Variants in GRID1 observed in about 807,000 individuals in gnomAD.
GRID1 encodes the protein glutamate receptor ionotropic, delta-1.
In GRID1, 28 loss-of-function variants were observed where a neutral mutation model predicts 98.0. The ratio of observed to expected loss-of-function variants is 0.29; its 90% CI spans 0.21 to 0.39. The LOEUF (loss-of-function observed/expected upper bound fraction) is 0.39. Among genes scored for constraint, GRID1 ranks in the 10% least tolerant of loss-of-function variants. GRID1 has a pLI of 1.00. For missense variants in GRID1, 1,111 were observed against 1,340.5 expected (o/e 0.83, Z 2.67); for synonymous variants, 553 against 538.5 (o/e 1.03, Z -0.37).
At chr10:85,997,366 T>TAC (rs1842751359) in intron 4 of GRID1, among the ~76,000 whole-genome samples, 1 of 150,558 alleles carries the variant, frequency 6.6e-6, no homozygotes. Flanking sequence ...GCCACTGTAC[T>TAC]ACAGCCTGGG....
At chr10:85,831,956 T>C (rs1842870905) in intron 8 of GRID1, among the ~76,000 whole-genome samples, 1 of 151,758 alleles carries the variant, frequency 6.6e-6, no homozygotes, top group Admixed American at 6.6e-5. Context: ...AGAACAAAGA[T>C]TAATAAAAAT....
intron 4 of GRID1, among the ~76,000 whole-genome samples, chr10:85,960,276 A>G (rs1364486252): frequency 6.6e-6 from 1 of 152,242 alleles, no homozygotes; most frequent in Non-Finnish European, 1.5e-5. Flanking sequence ...AGAAACAGAC[A>G]AACTGTCCTC....
At chr10:86,104,207 G>A (rs1844344668) in intron 4 of GRID1, among the ~76,000 whole-genome samples, 1 of 152,110 alleles carries the variant, frequency 6.6e-6, no homozygotes, top group Admixed American at 6.5e-5. Context: ...AGGTAGAAGG[G>A]GCTAGTTCCT....
rs564425282 is a variant in GRID1 at position 85,851,400 on chromosome 10, C to A, written c.1233+3096G>T. 5.3e-5 allele frequency among the ~76,000 whole-genome samples: 8 copies of A among 152,282 alleles called. No individual in the cohort carries two copies. The South Asian group carries it at 1.2e-3, about 24-fold the overall frequency. ...TTGATTTTTCCATACAAAGCTCACT[C>A]ACTAAAAACGCACTTCCTGGATGAG... On this transcript the variant is annotated intron_variant, in intron 8 of 15. Coordinates refer to ENST00000327946, the MANE Select transcript of GRID1 (RefSeq NM_017551.3).
chr10:85,993,618 C>G (rs764602444), intron 4 of GRID1, among the ~76,000 whole-genome samples: 1 of 152,056 alleles, frequency 6.6e-6, no homozygotes, highest in Non-Finnish European at 1.5e-5. Flanking sequence ...AAACTAGGTA[C>G]CCCAGCCAGG....
At chr10:86,163,714 A>T (rs1845356408) in intron 3 of GRID1, among the ~76,000 whole-genome samples, 1 of 151,876 alleles carries the variant, frequency 6.6e-6, no homozygotes, top group Non-Finnish European at 1.5e-5. Flanking sequence ...ACAAGCAGGG[A>T]CTCTGTGTGG....
At chr10:86,171,372 G>C (rs2131993436) in intron 3 of GRID1, among the ~76,000 whole-genome samples, 1 of 152,318 alleles carries the variant, frequency 6.6e-6, no homozygotes, top group East Asian at 1.9e-4. Context: ...AACCCCACCA[G>C]TTCTGTGGGT....
intron 4 of GRID1, among the ~76,000 whole-genome samples, chr10:86,074,864 G>A (rs1184944407): frequency 6.6e-6 from 1 of 152,226 alleles, no homozygotes; most frequent in African/African-American, 2.4e-5. Context: ...TGGGATGAGT[G>A]TCGATGTATG....
At chr10:86,216,912 C>A (rs548679614) in intron 2 of GRID1, among the ~76,000 whole-genome samples, 7 of 152,148 alleles carry the variant, frequency 4.6e-5, no homozygotes, top group African/African-American at 1.7e-4. Flanking sequence ...AGAAAAGGAT[C>A]CCTAGGGTAA....
chr10:85,805,808 C>A (rs1170136445), intron 8 of GRID1, among the ~76,000 whole-genome samples: 1 of 151,834 alleles, frequency 6.6e-6, no homozygotes, highest in Non-Finnish European at 1.5e-5. Context: ...ACCTCCCTCA[C>A]AACACATACA....
At chr10:86,258,569 G>GC (rs1187201076) in intron 2 of GRID1, among the ~76,000 whole-genome samples, 6 of 152,112 alleles carry the variant, frequency 3.9e-5, no homozygotes, top group African/African-American at 1.2e-4. Flanking sequence ...TGAGGGAGAA[G>GC]CCCCCATCTC....
chr10:86,312,336 C>T (rs1042736035), intron 2 of GRID1, among the ~76,000 whole-genome samples: 3 of 152,180 alleles, frequency 2.0e-5, no homozygotes, highest in South Asian at 2.1e-4. Context: ...CTAAACACAC[C>T]GTCCCTTTCT....
At chr10:85,855,769 G>A (rs372327685) in intron 7 of GRID1, among the ~76,000 whole-genome samples, 1 of 152,310 alleles carries the variant, frequency 6.6e-6, no homozygotes, top group African/African-American at 2.4e-5. Flanking sequence ...CCTACTTGCA[G>A]CCAAGGGCAA....
At chr10:85,965,912 A>T (rs1230288054) in intron 4 of GRID1, among the ~76,000 whole-genome samples, 1 of 152,120 alleles carries the variant, frequency 6.6e-6, no homozygotes, top group Non-Finnish European at 1.5e-5. Flanking sequence ...CTTTAACTAG[A>T]TCTACTCCCA....
intron 13 of GRID1, among the ~76,000 whole-genome samples, chr10:85,628,850 G>GGGAGTGGACAAT (rs1842941112): frequency 6.6e-6 from 1 of 152,174 alleles, no homozygotes; most frequent in African/African-American, 2.4e-5. Flanking sequence ...TGAATAGAAT[G>GGGAGTGGACAAT]GGAGTGGACA....
At chr10:86,111,700 G>A (rs1448766588) in intron 4 of GRID1, among the ~76,000 whole-genome samples, 1 of 152,162 alleles carries the variant, frequency 6.6e-6, no homozygotes. Context: ...CATGAAAGAG[G>A]ATGAGGATCT....
chr10:86,166,103 A>G (rs944627821), intron 3 of GRID1, among the ~76,000 whole-genome samples: 6 of 151,976 alleles, frequency 3.9e-5, no homozygotes, highest in Non-Finnish European at 1.5e-5. Flanking sequence ...TCTTTATATC[A>G]CTGTCACTAT....
chr10:85,828,824 C>T (rs577344449), intron 8 of GRID1, among the ~76,000 whole-genome samples: 1 of 152,132 alleles, frequency 6.6e-6, no homozygotes, highest in Non-Finnish European at 1.5e-5. Flanking sequence ...AAAAAGCCTA[C>T]CAACCAGAAA....
At chr10:86,189,963 G>A (rs1589404294) in intron 3 of GRID1, among the ~76,000 whole-genome samples, 3 of 152,034 alleles carry the variant, frequency 2.0e-5, no homozygotes, top group South Asian at 4.1e-4. Flanking sequence ...TCTGACCCTC[G>A]TGCTTCTCTG....
Sources: gnomAD v4.1 joint callset for allele counts (sites outside exome capture counted in the v4.1 genomes callset) on GRCh38, gnomAD v4.1.1 for gene constraint, MANE v1.5 for transcripts, NCBI Gene and HGNC (gene_info 2026-07-23, HGNC 2026-07-21) for gene names.